TSPAN15: variants seen among roughly 807,000 people sequenced by gnomAD.
TSPAN15 encodes the protein tetraspanin-15.
In TSPAN15, 20 loss-of-function variants were observed where a neutral mutation model predicts 34.5. That is an observed-to-expected ratio of 0.58 (90% confidence interval 0.41 to 0.84). The LOEUF is 0.84. Ranked by LOEUF, TSPAN15 falls within the 40% of genes least tolerant of loss-of-function variation. TSPAN15 has a pLI of 0.00. For missense variants in TSPAN15, 313 were observed against 386.1 expected (o/e 0.81, Z 1.59); for synonymous variants, 155 against 153.9 (o/e 1.01, Z -0.05).
the TSPAN15 span, among the ~76,000 whole-genome samples, chr10:69,525,102 A>G: frequency 2.0e-5 from 3 of 147,180 alleles, no homozygotes; most frequent in African/African-American, 7.4e-5. Flanking sequence ...TTTTTTTAAA[A>G]GGGACAAGCC....
intron 1 of TSPAN15, among the ~76,000 whole-genome samples, chr10:69,464,413 A>G (rs1841337403): frequency 6.6e-6 from 1 of 151,928 alleles, no homozygotes. Context: ...GGGAGGAGTG[A>G]GACTGTGGGG....
chr10:69,456,515 G>A (rs1198994643), intron 1 of TSPAN15, among the ~76,000 whole-genome samples: 1 of 152,020 alleles, frequency 6.6e-6, no homozygotes, highest in Non-Finnish European at 1.5e-5. Context: ...ATTTTTAAAA[G>A]GAGGCTTTAT....
chr10:69,462,940 A>G (rs1478306276), intron 1 of TSPAN15, among the ~76,000 whole-genome samples: 1 of 152,144 alleles, frequency 6.6e-6, no homozygotes, highest in Non-Finnish European at 1.5e-5. Context: ...TGGGCGAGGA[A>G]GGGCTGGTGG....
chr10:69,517,174 C>T, the TSPAN15 span, among the ~76,000 whole-genome samples: 11 of 152,324 alleles, frequency 7.2e-5, no homozygotes, highest in Non-Finnish European at 1.2e-4. Context: ...CTGGTGGCTG[C>T]GCTCTCCCTT....
the TSPAN15 span, among the ~76,000 whole-genome samples, chr10:69,539,526 GAA>G: frequency 2.9e-4 from 33 of 115,338 alleles, no homozygotes; most frequent in Non-Finnish European, 5.6e-4. Flanking sequence ...AGAAGAAGAA[GAA>G]GAAGAAGAAG....
chr10:69,507,258 G>A lies in TSPAN15; in HGVS notation c.*280G>A. On this transcript the variant is annotated 3_prime_UTR_variant, in exon 8 of 8. Transcript: ENST00000373290. ...CTTTCTCCAGGCCTGGGCTACGGGG[G>A]AGGGAGAGCCTGAGGCTCTGCTCAG... is the stretch of plus-strand genomic sequence containing the variant. 1.5e-6 allele frequency: 2 copies of A among 1,347,942 alleles called. No homozygotes were observed. The highest frequency in any genetic ancestry group is 1.9e-6 in the Non-Finnish European group (2 of 1,048,606). 83.5% of individuals were successfully genotyped at this position (1,347,942 alleles called of 1,614,324 possible). A position where few individuals can be genotyped will look rare whatever the true frequency, so the allele number is the denominator to read the frequency against.
At chr10:69,477,228 G>A (rs1000723317) in intron 1 of TSPAN15, among the ~76,000 whole-genome samples, 1 of 151,984 alleles carries the variant, frequency 6.6e-6, no homozygotes, top group South Asian at 2.1e-4. Context: ...TCCGCCTCCC[G>A]GGTTCAAGTG....
At chr10:69,478,175 G>C (rs10998823) in intron 1 of TSPAN15, among the ~76,000 whole-genome samples, 1 of 143,166 alleles carries the variant, frequency 7.0e-6, no homozygotes, top group African/African-American at 3.0e-5. Flanking sequence ...AGGTGGCAGT[G>C]TGCAGAGCAG....
chr10:69,509,811 G>C (rs1301649987), downstream of TSPAN15, among the ~76,000 whole-genome samples: 3 of 152,142 alleles, frequency 2.0e-5, no homozygotes, highest in Non-Finnish European at 2.9e-5. Flanking sequence ...TGGCTAGCCA[G>C]TTTTCACTAC....
At position 69,507,655 on chromosome 10, in the gene TSPAN15, T is replaced by TG. The variant is rs201904794; in HGVS notation, c.*677_*678insG. 0.031 allele frequency: 30,141 copies of TG among 978,322 alleles called. 68 individuals are homozygous for TG. The highest frequency in any genetic ancestry group is 0.063 in the East Asian group (808 of 12,890). The allele number at this position is 978,322 out of a possible 1,614,324, so 60.6% of individuals were successfully genotyped here. On this transcript the variant is annotated 3_prime_UTR_variant, in exon 8 of 8. Transcript: ENST00000373290. ...TTAATCAAACAATAAAAACATGTTT[T>TG]TTTTTTTTTTTTTTTTTTGCCTTTC... is the stretch of plus-strand genomic sequence containing the variant.
Position 69,506,679 on chromosome 10 carries a change from T to A in TSPAN15, c.736-150T>A. The A allele has an allele frequency of 2.6e-6, 2 of 768,014 alleles. No homozygotes were observed. Among genetic ancestry groups the A allele is most frequent in the South Asian group, 3.7e-5 (2 of 54,498 alleles). 47.6% of individuals were successfully genotyped at this position (768,014 alleles called of 1,614,324 possible). ...GGAGCTTCTTGGGCAGTGTGGGTGCTGGGAGAAGTCTCTGCTGTGGGTGTT... is the reference window on the plus strand; with the variant it reads ...GGAGCTTCTTGGGCAGTGTGGGTGCAGGGAGAAGTCTCTGCTGTGGGTGTT... On this transcript the variant is annotated intron_variant, in intron 7 of 7. Transcript: ENST00000373290. This position sits in a 1 kb window ranked among gnomAD's most constrained non-coding sequence, Gnocchi z 4.7.
At position 69,507,186 on chromosome 10, in the gene TSPAN15, C is replaced by T; in HGVS notation, c.*208C>T. On this transcript the variant is annotated 3_prime_UTR_variant, in exon 8 of 8. Transcript: ENST00000373290. ...CTCCCCTAAGAGGCTTTCCCCGAGGCAGCTCTGGAATCTGTGCCCACCTGG... is the reference window on the plus strand; with the variant it reads ...CTCCCCTAAGAGGCTTTCCCCGAGGTAGCTCTGGAATCTGTGCCCACCTGG... 3 of 1,419,768 alleles carry T rather than the reference C, an allele frequency of 2.1e-6. No homozygotes were observed. Among genetic ancestry groups the T allele is most frequent in the East Asian group, 2.6e-5 (1 of 38,320 alleles). 87.9% of individuals were successfully genotyped at this position (1,419,768 alleles called of 1,614,324 possible).
chr10:69,516,888 C>G, the TSPAN15 span, among the ~76,000 whole-genome samples: 1 of 152,150 alleles, frequency 6.6e-6, no homozygotes, highest in Admixed American at 6.5e-5. Context: ...GCTCACTAAG[C>G]AGGTGCCAAC....
intron 1 of TSPAN15, among the ~76,000 whole-genome samples, chr10:69,466,209 T>C (rs891561): frequency 0.4 from 60,661 of 152,114 alleles, 12,611 homozygotes; most frequent in Non-Finnish European, 0.45. Flanking sequence ...GTCTTGTTCC[T>C]GATGAGGGAG....
the TSPAN15 span, among the ~76,000 whole-genome samples, chr10:69,540,461 T>C: frequency 9.2e-5 from 14 of 152,104 alleles, no homozygotes; most frequent in East Asian, 2.7e-3. Context: ...CCACTGCTTG[T>C]AGGCAAGGGG....
At chr10:69,522,375 C>CAAAAAAAA in the TSPAN15 span, among the ~76,000 whole-genome samples, 2 of 48,364 alleles carry the variant, frequency 4.1e-5, no homozygotes, top group Non-Finnish European at 7.0e-5. Flanking sequence ...GACCTTGTCT[C>CAAAAAAAA]AAAAAAAAAA....
intron 3 of TSPAN15, among the ~76,000 whole-genome samples, chr10:69,492,014 T>C (rs1450809717): frequency 1.3e-5 from 2 of 152,256 alleles, no homozygotes; most frequent in South Asian, 2.1e-4. Context: ...GAAAGGATAG[T>C]TCTTCATAGC....
At chr10:69,467,140 AAG>A (rs1351578576) in intron 1 of TSPAN15, among the ~76,000 whole-genome samples, 1 of 152,168 alleles carries the variant, frequency 6.6e-6, no homozygotes, top group Non-Finnish European at 1.5e-5. Context: ...TTAAGGTGAC[AAG>A]AGACCCTCCT....
intron 3 of TSPAN15, among the ~76,000 whole-genome samples, chr10:69,492,393 G>C (rs979171435): frequency 6.6e-6 from 1 of 152,154 alleles, no homozygotes; most frequent in Non-Finnish European, 1.5e-5. Context: ...AACCATCTCA[G>C]TGTCCTCGTC....
Sources: gnomAD v4.1 joint callset for allele counts (sites outside exome capture counted in the v4.1 genomes callset) on GRCh38, gnomAD v4.1.1 for gene constraint, Gnocchi (gnomAD v3.1) non-coding constraint, MANE v1.5 for transcripts, NCBI Gene and HGNC (gene_info 2026-07-23, HGNC 2026-07-21) for gene names.